The following ZBTB20 variants were observed in gnomAD, a reference collection of about 807,000 sequenced individuals.
ZBTB20 encodes zinc finger and BTB domain-containing protein 20.
ZBTB20 carries 9 observed loss-of-function variants against 56.9 expected under a neutral mutation model. That is an observed-to-expected ratio of 0.16 (90% CI 0.10 to 0.28). The LOEUF (loss-of-function observed/expected upper bound fraction) is 0.28. ZBTB20 is among the 10% of genes least tolerant of loss of function. The pLI is 1.00. For synonymous variants in ZBTB20, 417 were observed against 420.7 expected (o/e 0.99, Z 0.11); for missense variants, 655 against 1,003.0 (o/e 0.65, Z 4.69).
At chr3:115,079,199 A>T (rs2108534076) in intron 1 of ZBTB20, among the ~76,000 whole-genome samples, 1 of 152,290 alleles carries the variant, frequency 6.6e-6, no homozygotes, top group Non-Finnish European at 1.5e-5. Flanking sequence ...GCTAGAATCA[A>T]CACACTGTAT....
chr3:114,669,560 T>C (rs1203071617), intron 6 of ZBTB20, among the ~76,000 whole-genome samples: 1 of 151,708 alleles, frequency 6.6e-6, no homozygotes, highest in Non-Finnish European at 1.5e-5. Flanking sequence ...TATGAAGTCA[T>C]CGACTATGCA....
chr3:114,979,470 T>C (rs2108078754), intron 2 of ZBTB20, among the ~76,000 whole-genome samples: 1 of 152,142 alleles, frequency 6.6e-6, no homozygotes, highest in Admixed American at 6.6e-5. Flanking sequence ...ATTCAAAACA[T>C]ATGACCCTAC....
chr3:114,576,363 G>A (rs1020513623), intron 6 of ZBTB20, among the ~76,000 whole-genome samples: 9 of 151,224 alleles, frequency 6.0e-5, no homozygotes, highest in South Asian at 2.1e-4. Flanking sequence ...TTAGCCAGGC[G>A]TGGTGGCGGG....
chr3:115,086,386 G>C (rs1164895333), intron 1 of ZBTB20, among the ~76,000 whole-genome samples: 1 of 151,750 alleles, frequency 6.6e-6, no homozygotes, highest in Non-Finnish European at 1.5e-5. Context: ...TATTTATTTT[G>C]TGTCAATTGG....
At chr3:114,591,636 A>T (rs1308125006) in intron 6 of ZBTB20, among the ~76,000 whole-genome samples, 1 of 152,200 alleles carries the variant, frequency 6.6e-6, no homozygotes, top group African/African-American at 2.4e-5. Context: ...AGCTATATGG[A>T]ATTCTCTATA....
At chr3:114,946,252 T>C (rs959701726) in intron 3 of ZBTB20, among the ~76,000 whole-genome samples, 1 of 145,758 alleles carries the variant, frequency 6.9e-6, no homozygotes, top group Non-Finnish European at 1.5e-5. Context: ...AAAAGTATCC[T>C]TAAACTGAGT....
chr3:114,690,852 T>G (rs2062656772), intron 6 of ZBTB20, among the ~76,000 whole-genome samples: 1 of 152,182 alleles, frequency 6.6e-6, no homozygotes, highest in Non-Finnish European at 1.5e-5. Flanking sequence ...CTGGTATTGG[T>G]TGGCTGTAGC....
intron 1 of ZBTB20, among the ~76,000 whole-genome samples, chr3:115,093,907 T>C (rs1171719871): frequency 6.6e-6 from 1 of 152,172 alleles, no homozygotes; most frequent in Non-Finnish European, 1.5e-5. Context: ...CAAAAACTAA[T>C]GCTGTACAGA....
chr3:114,513,932 G>T (rs1271791102), intron 6 of ZBTB20, among the ~76,000 whole-genome samples: 3 of 149,538 alleles, frequency 2.0e-5, no homozygotes, highest in African/African-American at 4.9e-5. Flanking sequence ...AAAAAAAAAA[G>T]AATTTAGAGA....
At chr3:114,566,533 T>A (rs1436303365) in intron 6 of ZBTB20, among the ~76,000 whole-genome samples, 2 of 152,190 alleles carry the variant, frequency 1.3e-5, no homozygotes, top group Non-Finnish European at 2.9e-5. Flanking sequence ...ACCTGAGAGT[T>A]CCAGTTTAAA....
intron 2 of ZBTB20, among the ~76,000 whole-genome samples, chr3:115,052,940 GT>G (rs1248900081): frequency 6.6e-6 from 1 of 151,914 alleles, no homozygotes; most frequent in African/African-American, 2.4e-5. Flanking sequence ...TTCAAAAAAC[GT>G]TTATAGCTAA....
intron 6 of ZBTB20, among the ~76,000 whole-genome samples, chr3:114,579,387 A>C (rs1303322438): frequency 6.6e-6 from 1 of 151,690 alleles, no homozygotes; most frequent in Non-Finnish European, 1.5e-5. Flanking sequence ...AAATTGAACA[A>C]AACTACGTAT....
chr3:114,813,203 C>T (rs1381882307), intron 4 of ZBTB20, among the ~76,000 whole-genome samples: 4 of 152,366 alleles, frequency 2.6e-5, no homozygotes, highest in South Asian at 2.1e-4. Flanking sequence ...ACTGCCAGCA[C>T]GCTGTCACCT....
At chr3:114,350,145 G>T in intron 11 of ZBTB20, 129 bp downstream of exon 11, 1 of 1,340,246 alleles carries the variant, frequency 7.5e-7, no homozygotes, top group Non-Finnish European at 1.0e-6. Flanking sequence ...TCTAGAAGAG[G>T]CTTGTGGTGG....
intron 2 of ZBTB20, among the ~76,000 whole-genome samples, chr3:115,009,670 T>TAGGTCATG (rs1414409208): frequency 2.6e-5 from 4 of 151,830 alleles, no homozygotes; most frequent in Non-Finnish European, 5.9e-5. Context: ...GAGAGATGAT[T>TAGGTCATG]AGGTCATGAG....
At chr3:115,105,663 G>C (rs930473195) in intron 1 of ZBTB20, among the ~76,000 whole-genome samples, 1 of 152,098 alleles carries the variant, frequency 6.6e-6, no homozygotes, top group Non-Finnish European at 1.5e-5. Flanking sequence ...ATTCTTAAAG[G>C]TTGCATAGTT....
At chr3:114,806,503 T>C (rs1319512224) in intron 4 of ZBTB20, among the ~76,000 whole-genome samples, 1 of 151,984 alleles carries the variant, frequency 6.6e-6, no homozygotes, top group Non-Finnish European at 1.5e-5. Flanking sequence ...TATCAGATTA[T>C]GATTTGCAAA....
At chr3:114,869,005 C>G (rs77109620) in intron 4 of ZBTB20, among the ~76,000 whole-genome samples, 3,642 of 152,118 alleles carry the variant, frequency 0.024, 51 homozygotes, top group South Asian at 0.051. Context: ...CCTTATGAAT[C>G]TTCCTTCAAT....
At chr3:114,393,684 A>G (rs142486426) in intron 7 of ZBTB20, among the ~76,000 whole-genome samples, 2 of 152,304 alleles carry the variant, frequency 1.3e-5, no homozygotes, top group East Asian at 3.9e-4. Context: ...TTTCATATCC[A>G]GTGTACTCGG....
Sources: gnomAD v4.1 joint callset for allele counts (sites outside exome capture counted in the v4.1 genomes callset) on GRCh38, gnomAD v4.1.1 for gene constraint, MANE v1.5 for transcripts, NCBI Gene and HGNC (gene_info 2026-07-23, HGNC 2026-07-21) for gene names.